PARD3B: variants seen among roughly 807,000 people sequenced by gnomAD.
PARD3B encodes the protein par-3 family cell polarity regulator beta.
Under a neutral mutation model 130.2 loss-of-function variants are expected in PARD3B, and 103 were observed. The observed-to-expected ratio is 0.79, with a 90% CI of 0.67 to 0.93. The LOEUF is 0.93. Ranked by LOEUF, PARD3B falls within the 40% of genes least tolerant of loss-of-function variation. The probability of loss-of-function intolerance (pLI) is 0.00; values close to 1 mark genes in which losing one functional copy is unlikely to be tolerated. For synonymous variants in PARD3B, 583 were observed against 553.2 expected, an observed-to-expected ratio of 1.05 and a Z score of -0.76; for missense variants, 1,609 against 1,499.2, an observed-to-expected ratio of 1.07 and a Z score of -1.21.
chr2:204,998,335 T>TACAC lies in PARD3B; in HGVS notation c.394+33013_394+33014insCACA, dbSNP rs1361578552. Among the ~76,000 whole-genome samples the TACAC allele has an allele frequency of 6.0e-3, 374 of 62,234 alleles. 21 individuals carry two copies. Among genetic ancestry groups the TACAC allele is most frequent in the East Asian group, 0.041 (136 of 3,292 alleles). 40.8% of individuals were successfully genotyped at this position (62,234 alleles called of 152,430 possible). A position where few individuals can be genotyped will look rare whatever the true frequency, so the allele number is the denominator to read the frequency against. On this transcript the variant is annotated intron_variant, in intron 3 of 22. Coordinates refer to ENST00000406610, the MANE Select transcript of PARD3B (RefSeq NM_001302769.2). ...AAGTATATATATATATATATATATA[T>TACAC]ATATATATATATATATATATATATG...
chr2:204,608,388 T>C (rs962961331), intron 1 of PARD3B, among the ~76,000 whole-genome samples: 4 of 152,198 alleles, frequency 2.6e-5, no homozygotes, highest in Admixed American at 2.0e-4. Flanking sequence ...TTTCCCATTC[T>C]TCTACCCTTA....
At chr2:204,720,814 T>C (rs1010333505) in intron 2 of PARD3B, among the ~76,000 whole-genome samples, 6 of 152,124 alleles carry the variant, frequency 3.9e-5, no homozygotes, top group African/African-American at 1.4e-4. Context: ...TATTTCTTTC[T>C]CATGCGGAAG....
chr2:205,527,639 A>T (rs1471174721), intron 21 of PARD3B, among the ~76,000 whole-genome samples: 1 of 152,168 alleles, frequency 6.6e-6, no homozygotes, highest in African/African-American at 2.4e-5. Context: ...CAGTAGTGTA[A>T]GGCCAGGCAA....
Position 205,124,336 on chromosome 2 carries a change from G to A in PARD3B, c.1175G>A (p.Gly392Glu). 1 of 1,570,242 alleles carries A rather than the reference G, an allele frequency of 6.4e-7. No homozygotes were observed. Among genetic ancestry groups the A allele is most frequent in the Non-Finnish European group, 8.6e-7 (1 of 1,157,290 alleles). ...IKIDLKKGPE[G>E]LGFTVVTRDS... ...TGTTCTTATACACTAGGCCCTGAAG[G>A]ACTTGGTTTCACTGTGGTTACCAGA... The change falls in exon 9 of 23, where the codon GGA (glycine) becomes GAA (glutamate). Residue 392 changes from glycine to glutamate, a missense_variant. Physicochemically the swap from Gly to Glu is moderately conservative, Grantham distance 98. Transcript: ENST00000406610.
At chr2:204,951,029 A>G (rs1006662217) in intron 2 of PARD3B, among the ~76,000 whole-genome samples, 1 of 152,252 alleles carries the variant, frequency 6.6e-6, no homozygotes, top group East Asian at 1.9e-4. Flanking sequence ...TTGCTGGGCA[A>G]TTGAGGGAAG....
chr2:204,947,100 C>G (rs754263337), intron 2 of PARD3B, among the ~76,000 whole-genome samples: 2 of 152,106 alleles, frequency 1.3e-5, no homozygotes, highest in East Asian at 1.9e-4. Context: ...CTAGTACACC[C>G]AGAAATAAGG....
Position 205,176,351 on chromosome 2 carries a change from C to G in PARD3B, c.1792-94C>G. 1 of 1,240,348 alleles carries G rather than the reference C, an allele frequency of 8.1e-7. No homozygotes were observed. Among genetic ancestry groups the G allele is most frequent in the Non-Finnish European group, 1.1e-6 (1 of 906,578 alleles). The allele number at this position is 1,240,348 out of a possible 1,614,324, so 76.8% of individuals were successfully genotyped here. On this transcript the variant is annotated intron_variant, in intron 12 of 22. Coordinates refer to ENST00000406610, the MANE Select transcript of PARD3B (RefSeq NM_001302769.2). The surrounding 1 kb of genome is among the most constrained non-coding windows in gnomAD (Gnocchi z 5.3). ...TTAAGTGTAATAGACTCTTGAAAGACTATTCATACAGCGATCATTCTTTCA... is the reference window on the plus strand; with the variant it reads ...TTAAGTGTAATAGACTCTTGAAAGAGTATTCATACAGCGATCATTCTTTCA...
chr2:205,229,992 A>T lies in PARD3B; in HGVS notation c.2141-15786A>T, dbSNP rs1163503073. On this transcript the variant is annotated intron_variant, in intron 15 of 22. Transcript: ENST00000406610. This position sits in a 1 kb window ranked among gnomAD's most constrained non-coding sequence, Gnocchi z 5.2. Reference sequence around the variant, plus strand: ...CTCATTCCAGGTCTAAGGACTCTTCAGTCAGCTCATGGTGAATGCTGCCAG... The same window carrying T: ...CTCATTCCAGGTCTAAGGACTCTTCTGTCAGCTCATGGTGAATGCTGCCAG... Among the ~76,000 whole-genome samples the T allele has an allele frequency of 6.6e-6, 1 of 151,826 alleles. No individual in the cohort carries two copies. Among genetic ancestry groups the T allele is most frequent in the Non-Finnish European group, 1.5e-5 (1 of 67,968 alleles).
At chr2:205,283,106 T>G (rs555644878) in intron 16 of PARD3B, among the ~76,000 whole-genome samples, 1 of 152,356 alleles carries the variant, frequency 6.6e-6, no homozygotes, top group African/African-American at 2.4e-5. Context: ...AGCAAATGGC[T>G]GCTCCGCTCT....
chr2:205,505,882 A>T (rs970753613), intron 21 of PARD3B, among the ~76,000 whole-genome samples: 6 of 151,918 alleles, frequency 3.9e-5, no homozygotes, highest in South Asian at 2.1e-4. Context: ...CAACCTTTTT[A>T]AAAAAAAATT....
chr2:204,930,201 TG>T (rs1053992565), intron 2 of PARD3B, among the ~76,000 whole-genome samples: 21 of 151,886 alleles, frequency 1.4e-4, no homozygotes, highest in African/African-American at 4.3e-4. Context: ...TTACATTCTA[TG>T]TTTTTTTTTT....
chr2:204,617,540 AT>A (rs760904056), intron 1 of PARD3B, among the ~76,000 whole-genome samples: 257 of 151,526 alleles, frequency 1.7e-3, no homozygotes, highest in African/African-American at 5.1e-3. Flanking sequence ...GCTTTCCAAC[AT>A]TTTTTTTTCT....
At chr2:204,636,584 T>G (rs2034887508) in intron 1 of PARD3B, among the ~76,000 whole-genome samples, 1 of 152,016 alleles carries the variant, frequency 6.6e-6, no homozygotes, top group Admixed American at 6.6e-5. Flanking sequence ...GCAGCCAGCA[T>G]GTACTTCCTA....
intron 3 of PARD3B, among the ~76,000 whole-genome samples, chr2:204,989,666 A>T (rs1359553921): frequency 6.6e-6 from 1 of 151,978 alleles, no homozygotes; most frequent in African/African-American, 2.4e-5. Context: ...TATGGAGTTC[A>T]TTGTTTAGTT....
chr2:205,546,220 G>C (rs962040605), intron 21 of PARD3B, among the ~76,000 whole-genome samples: 2 of 152,108 alleles, frequency 1.3e-5, no homozygotes, highest in Non-Finnish European at 2.9e-5. Flanking sequence ...AGGTATGAGC[G>C]CTTTAAATTG....
chr2:204,622,871 A>T (rs894198758), intron 1 of PARD3B, among the ~76,000 whole-genome samples: 1 of 152,314 alleles, frequency 6.6e-6, no homozygotes, highest in South Asian at 2.1e-4. Flanking sequence ...TCTTTAATGT[A>T]TAATGAGTTG....
intron 3 of PARD3B, among the ~76,000 whole-genome samples, chr2:204,988,043 TG>T (rs201722145): frequency 0.014 from 2,192 of 151,644 alleles, 175 homozygotes; most frequent in Admixed American, 0.13. Context: ...TAGAGTCCAG[TG>T]GGGGTCATCA....
At chr2:205,197,691 A>G (rs1416568509) in intron 15 of PARD3B, among the ~76,000 whole-genome samples, 1 of 152,212 alleles carries the variant, frequency 6.6e-6, no homozygotes, top group Non-Finnish European at 1.5e-5. Context: ...TGCTAATTCA[A>G]AGGGGTTAGG....
intron 2 of PARD3B, among the ~76,000 whole-genome samples, chr2:204,888,477 A>G (rs1230578314): frequency 6.6e-6 from 1 of 152,156 alleles, no homozygotes; most frequent in Non-Finnish European, 1.5e-5. Context: ...CATCCCTATA[A>G]TCCTGGTACT....
Sources: gnomAD v4.1 joint callset for allele counts (sites outside exome capture counted in the v4.1 genomes callset) on GRCh38, gnomAD v4.1.1 for gene constraint, Gnocchi (gnomAD v3.1) non-coding constraint, MANE v1.5 for transcripts, NCBI Gene and HGNC (gene_info 2026-07-23, HGNC 2026-07-21) for gene names.